Variants in OSBPL10 observed in about 807,000 individuals in gnomAD.
The protein encoded by OSBPL10 is oxysterol-binding protein-related protein 10.
A neutral mutation model predicts 81.7 loss-of-function variants in OSBPL10; 49 were observed. The observed-to-expected ratio is 0.60, with a 90% CI of 0.48 to 0.76. The LOEUF (loss-of-function observed/expected upper bound fraction) is 0.76, where lower values mean the gene tolerates loss of function less well. Among genes scored for constraint, OSBPL10 ranks in the 30% least tolerant of loss-of-function variants. The probability of loss-of-function intolerance (pLI) is 0.00; values close to 1 mark genes in which losing one functional copy is unlikely to be tolerated. For missense variants in OSBPL10, 923 were observed against 987.8 expected, an observed-to-expected ratio of 0.93 and a Z score of 0.88; for synonymous variants, 419 against 383.6, an observed-to-expected ratio of 1.09 and a Z score of -1.08.
intron 4 of OSBPL10, among the ~76,000 whole-genome samples, chr3:31,754,175 T>C (rs1299183370): frequency 1.3e-5 from 2 of 152,132 alleles, no homozygotes; most frequent in Admixed American, 1.3e-4. Flanking sequence ...CTCCAAGCGT[T>C]CCCTTTAGGC....
chr3:31,743,052 T>G (rs1490479130), intron 5 of OSBPL10, among the ~76,000 whole-genome samples: 2 of 146,386 alleles, frequency 1.4e-5, no homozygotes, highest in African/African-American at 2.5e-5. Flanking sequence ...TTTTTTTTTT[T>G]TTTTTTTAGA....
chr3:32,028,550 T>C (rs1044983950), intron 2 of OSBPL10, among the ~76,000 whole-genome samples: 2 of 152,166 alleles, frequency 1.3e-5, no homozygotes, highest in African/African-American at 4.8e-5. Flanking sequence ...CATACACATA[T>C]ACACACACAA....
chr3:31,907,619 C>CCAAAA (rs1308181377), intron 1 of OSBPL10, among the ~76,000 whole-genome samples: 2 of 63,872 alleles, frequency 3.1e-5, no homozygotes, highest in African/African-American at 6.9e-5. Flanking sequence ...ACCTCCATCT[C>CCAAAA]AAAAAAAAAA....
In OSBPL10 at chr3:31,819,884, A is replaced by G. The variant is rs560456526; in HGVS notation, c.729+10156T>C. Among the ~76,000 whole-genome samples, 18 of 152,364 alleles carry G rather than the reference A, an allele frequency of 1.2e-4. No individual in the cohort carries two copies. The South Asian group carries it at 1.7e-3, about 14-fold the overall frequency. On this transcript the variant is annotated intron_variant, in intron 4 of 11. Coordinates refer to ENST00000396556, the MANE Select transcript of OSBPL10 (RefSeq NM_017784.5). ...TGGGATAGATTCAACAGAAAGGTCT[A>G]AAGAGTAGAGCCAAGGCTTCCTTAA...
chr3:32,068,377 G>T (rs145335418), intron 1 of OSBPL10, among the ~76,000 whole-genome samples: 2,181 of 152,194 alleles, frequency 0.014, 45 homozygotes, highest in East Asian at 0.083. Context: ...GCCTGCTTTG[G>T]CTGCTCACCC....
At chr3:31,993,575 C>T (rs182742198) in intron 2 of OSBPL10, among the ~76,000 whole-genome samples, 3 of 151,972 alleles carry the variant, frequency 2.0e-5, no homozygotes, top group African/African-American at 4.8e-5. Flanking sequence ...TACAGATGTC[C>T]GAAAAAGCAC....
In OSBPL10 at chr3:32,031,462, AT is replaced by A. The variant is rs758906495; in HGVS notation, n.298+15028del. ...TTTAACCTGAAAGGCTTCTTAAATAATTTTTTTTTTTTTTTTCGAGACAGAG... is the reference window on the plus strand; with the variant it reads ...TTTAACCTGAAAGGCTTCTTAAATAATTTTTTTTTTTTTTTCGAGACAGAG... On this transcript the variant is annotated intron_variant and non_coding_transcript_variant, in intron 2 of 3. Transcript: ENST00000479173. 2.9e-3 allele frequency among the ~76,000 whole-genome samples: 436 copies of A among 149,552 alleles called. 2 individuals carry two copies. Among genetic ancestry groups the A allele is most frequent in the African/African-American group, 7.2e-3 (287 of 39,922 alleles).
At chr3:31,669,137 A>G (rs1022217729) in intron 9 of OSBPL10, among the ~76,000 whole-genome samples, 5 of 152,210 alleles carry the variant, frequency 3.3e-5, no homozygotes, top group African/African-American at 1.2e-4. Context: ...TCAAGAAAAA[A>G]TAAGTGGGAA....
At chr3:31,806,775 G>A (rs111855709) in intron 4 of OSBPL10, among the ~76,000 whole-genome samples, 9 of 151,802 alleles carry the variant, frequency 5.9e-5, no homozygotes, top group Non-Finnish European at 1.2e-4. Context: ...TTTGGACAGA[G>A]GTCTAGAGGA....
chr3:31,686,246 G>A (rs1700790382), intron 7 of OSBPL10, among the ~76,000 whole-genome samples: 2 of 152,170 alleles, frequency 1.3e-5, no homozygotes, highest in African/African-American at 2.4e-5. Context: ...AAACGACTCA[G>A]TCTCATTCTG....
chr3:32,030,719 TA>T, intron 2 of OSBPL10: 2 of 670,320 alleles, frequency 3.0e-6, no homozygotes. Context: ...ACTGTAAAAA[TA>T]AATAAATAAA....
intron 5 of OSBPL10, among the ~76,000 whole-genome samples, chr3:31,747,487 T>TCAAAAAAAAAAAAAAAAAAAAA (rs1553620893): frequency 1.0e-5 from 1 of 98,486 alleles, no homozygotes; most frequent in Non-Finnish European, 2.0e-5. Flanking sequence ...AATCTTCAAA[T>TCAAAAAAAAAAAAAAAAAAAAA]AAAAAAAAAA....
chr3:31,778,412 T>C (rs1031862415), intron 4 of OSBPL10, among the ~76,000 whole-genome samples: 2 of 152,298 alleles, frequency 1.3e-5, no homozygotes, highest in Admixed American at 1.3e-4. Context: ...TGATGGTGTT[T>C]CTCTGAAATA....
chr3:31,839,786 G>A (rs189444881), intron 3 of OSBPL10, among the ~76,000 whole-genome samples: 38 of 151,186 alleles, frequency 2.5e-4, no homozygotes, highest in African/African-American at 8.7e-4. Context: ...GGTTAGGGAT[G>A]GGAGAGACTA....
chr3:31,949,877 A>C (rs1455637500), intron 1 of OSBPL10, among the ~76,000 whole-genome samples: 1 of 152,090 alleles, frequency 6.6e-6, no homozygotes, highest in South Asian at 2.1e-4. Flanking sequence ...CTGAGGTCCC[A>C]CCTATGGACT....
At chr3:31,997,622 GA>G (rs1439884987) in intron 2 of OSBPL10, among the ~76,000 whole-genome samples, 1 of 151,482 alleles carries the variant, frequency 6.6e-6, no homozygotes, top group Non-Finnish European at 1.5e-5. Context: ...GCAGAAGAAG[GA>G]TTTTTTTTGT....
intron 2 of OSBPL10, among the ~76,000 whole-genome samples, chr3:31,997,844 T>C (rs1304206629): frequency 2.6e-5 from 4 of 152,028 alleles, no homozygotes; most frequent in African/African-American, 9.7e-5. Context: ...TGGGAGTGCA[T>C]TGGCACAATC....
At chr3:31,785,085 C>T (rs930435061) in intron 4 of OSBPL10, among the ~76,000 whole-genome samples, 4 of 150,694 alleles carry the variant, frequency 2.7e-5, no homozygotes, top group Non-Finnish European at 5.9e-5. Context: ...GGGTTTCCCT[C>T]TATTAGCCAG....
chr3:31,949,380 G>A (rs1697796412), intron 1 of OSBPL10, among the ~76,000 whole-genome samples: 2 of 152,104 alleles, frequency 1.3e-5, no homozygotes, highest in Non-Finnish European at 2.9e-5. Context: ...AAAGGATACT[G>A]GGTTCCGGCT....
Sources: allele counts gnomAD v4.1 joint callset (sites outside exome capture counted in the v4.1 genomes callset), GRCh38; gene constraint gnomAD v4.1.1; transcripts MANE v1.5; gene names NCBI Gene and HGNC (gene_info 2026-07-23, HGNC 2026-07-21).